GPC6: variants seen among roughly 807,000 people sequenced by gnomAD.
GPC6 encodes glypican-6.
GPC6 carries 14 observed loss-of-function variants against 55.2 expected under a neutral mutation model. The observed-to-expected ratio is 0.25, with a 90% CI of 0.17 to 0.40. GPC6 has a LOEUF of 0.40. Among genes scored for constraint, GPC6 ranks in the 10% least tolerant of loss-of-function variants. The pLI, the probability that GPC6 is intolerant of heterozygous loss-of-function variation, is 1.00. For missense variants in GPC6, 641 were observed against 708.5 expected (o/e 0.90, Z 1.08); for synonymous variants, 278 against 259.6 (o/e 1.07, Z -0.68).
chr13:93,861,567 G>A (rs1171378892), intron 3 of GPC6, among the ~76,000 whole-genome samples: 3 of 151,600 alleles, frequency 2.0e-5, no homozygotes, highest in East Asian at 2.0e-4. Context: ...AATGTTTAAA[G>A]CTCTTATTTT....
intron 1 of GPC6, among the ~76,000 whole-genome samples, chr13:93,252,475 A>G (rs763849975): frequency 6.6e-6 from 1 of 152,182 alleles, no homozygotes; most frequent in Non-Finnish European, 1.5e-5. Context: ...TTTATCCACC[A>G]AGTAAAATCC....
At chr13:94,172,203 C>CA (rs1293245267) in intron 4 of GPC6, among the ~76,000 whole-genome samples, 6 of 148,774 alleles carry the variant, frequency 4.0e-5, no homozygotes, top group Admixed American at 2.7e-4. Context: ...CACCAGAAGA[C>CA]AAAAAAAACA....
intron 1 of GPC6, among the ~76,000 whole-genome samples, chr13:93,314,713 G>T (rs1271778977): frequency 9.3e-5 from 2 of 21,506 alleles, no homozygotes; most frequent in East Asian, 3.4e-3. Flanking sequence ...ACAAGGAGGG[G>T]TGTGTGTGTG....
Position 93,397,242 on chromosome 13 carries a change from T to A in GPC6, c.161-148021T>A, listed in dbSNP as rs575717225. On this transcript the variant is annotated intron_variant, in intron 1 of 8. Transcript: ENST00000377047. ...AGTTCACACATTTGAAGTGGACATT[T>A]CAGTCCATCATTTTCCATTTCCATC... Among the ~76,000 whole-genome samples, 246 of 152,344 alleles carry A rather than the reference T, an allele frequency of 1.6e-3. 2 individuals carry two copies. Among genetic ancestry groups the A allele is most frequent in the Non-Finnish European group, 2.7e-3 (182 of 68,028 alleles).
intron 1 of GPC6, among the ~76,000 whole-genome samples, chr13:93,543,227 G>C (rs1193391962): frequency 6.6e-6 from 1 of 152,144 alleles, no homozygotes; most frequent in Non-Finnish European, 1.5e-5. Flanking sequence ...AGAGTTTTTA[G>C]CATGAAGCAT....
At chr13:93,988,780 A>G (rs1486602710) in intron 3 of GPC6, among the ~76,000 whole-genome samples, 13 of 152,184 alleles carry the variant, frequency 8.5e-5, no homozygotes, top group Admixed American at 8.5e-4. Flanking sequence ...TACGGGGGAC[A>G]CAAACATTCA....
intron 2 of GPC6, among the ~76,000 whole-genome samples, chr13:93,770,467 C>T (rs1566526332): frequency 6.6e-6 from 1 of 152,090 alleles, no homozygotes; most frequent in Non-Finnish European, 1.5e-5. Context: ...GGCATGCCAC[C>T]ATTTCTTTGA....
intron 2 of GPC6, among the ~76,000 whole-genome samples, chr13:93,829,720 AG>A (rs1325767717): frequency 2.0e-5 from 3 of 152,240 alleles, no homozygotes; most frequent in South Asian, 2.1e-4. Flanking sequence ...TTCAAATAAA[AG>A]CAATTTAATG....
intron 1 of GPC6, among the ~76,000 whole-genome samples, chr13:93,405,535 T>G (rs1876254136): frequency 6.6e-6 from 1 of 152,320 alleles, no homozygotes; most frequent in South Asian, 2.1e-4. Flanking sequence ...AATGCTTTTA[T>G]CATTTTGTCC....
chr13:93,592,875 C>T (rs1201542138), intron 2 of GPC6, among the ~76,000 whole-genome samples: 2 of 151,486 alleles, frequency 1.3e-5, no homozygotes, highest in African/African-American at 2.4e-5. Flanking sequence ...CTACGAAATG[C>T]TTATTAAAGA....
chr13:93,231,908 A>G (rs1451480266), intron 1 of GPC6, among the ~76,000 whole-genome samples: 1 of 152,158 alleles, frequency 6.6e-6, no homozygotes, highest in African/African-American at 2.4e-5. Context: ...GTCTTCATCT[A>G]TTTGATATTA....
intron 1 of GPC6, among the ~76,000 whole-genome samples, chr13:93,352,447 A>C (rs1880663340): frequency 6.6e-6 from 1 of 152,160 alleles, no homozygotes; most frequent in African/African-American, 2.4e-5. Flanking sequence ...AACAATTGAA[A>C]TTCTATTTAG....
chr13:93,232,812 A>G (rs1876106459), intron 1 of GPC6, among the ~76,000 whole-genome samples: 1 of 152,180 alleles, frequency 6.6e-6, no homozygotes, highest in Non-Finnish European at 1.5e-5. Context: ...CCTAACTTCA[A>G]TCACTAGTTT....
chr13:93,674,031 A>G (rs773896795), intron 2 of GPC6, among the ~76,000 whole-genome samples: 8 of 152,100 alleles, frequency 5.3e-5, no homozygotes, highest in Non-Finnish European at 1.0e-4. Context: ...GAGGAAAATT[A>G]GCAGACAGCC....
At chr13:93,858,197 C>T (rs1045514158) in intron 3 of GPC6, among the ~76,000 whole-genome samples, 3 of 151,468 alleles carry the variant, frequency 2.0e-5, no homozygotes, top group South Asian at 2.1e-4. Flanking sequence ...AATCTTTATT[C>T]GTACAATTAA....
At position 93,263,929 on chromosome 13, in the gene GPC6, T is replaced by C. The variant is rs141675020; in HGVS notation, c.160+36313T>C. 3.7e-3 allele frequency among the ~76,000 whole-genome samples: 568 copies of C among 152,296 alleles called. 3 individuals are homozygous for C. Among genetic ancestry groups the C allele is most frequent in the African/African-American group, 0.013 (552 of 41,558 alleles). On this transcript the variant is annotated intron_variant, in intron 1 of 8. Transcript: ENST00000377047. The stretch of plus-strand genomic sequence containing the variant: ...CTCTGTTAGTTGTGCCAGTTTACTC[T>C]CACACCAGCAGCTCAGACCACTCAG...
chr13:93,689,550 A>G (rs1027483317), intron 2 of GPC6, among the ~76,000 whole-genome samples: 1 of 152,134 alleles, frequency 6.6e-6, no homozygotes, highest in Non-Finnish European at 1.5e-5. Flanking sequence ...TAGGAAAGGC[A>G]TTCCAGTTAA....
At chr13:93,381,724 A>G (rs1875178118) in intron 1 of GPC6, among the ~76,000 whole-genome samples, 1 of 152,164 alleles carries the variant, frequency 6.6e-6, no homozygotes. Flanking sequence ...TGACATTGTC[A>G]TTCCACAAGG....
At chr13:93,817,745 GC>G (rs1293642247) in intron 2 of GPC6, among the ~76,000 whole-genome samples, 1 of 151,838 alleles carries the variant, frequency 6.6e-6, no homozygotes, top group African/African-American at 2.4e-5. Flanking sequence ...TGTAGTCCCA[GC>G]TACCCAGGAG....
Sources: allele counts gnomAD v4.1 joint callset (sites outside exome capture counted in the v4.1 genomes callset), GRCh38; gene constraint gnomAD v4.1.1; transcripts MANE v1.5; gene names NCBI Gene and HGNC (gene_info 2026-07-23, HGNC 2026-07-21).